The following CFAP251 variants were observed in gnomAD, a reference collection of about 807,000 sequenced individuals.
CFAP251 encodes cilia- and flagella-associated protein 251.
Under a neutral mutation model 126.7 loss-of-function variants are expected in CFAP251, and 93 were observed. The ratio of observed to expected loss-of-function variants is 0.73; its 90% confidence interval spans 0.62 to 0.87. CFAP251 has a LOEUF of 0.87. Among genes scored for constraint, CFAP251 ranks in the 40% least tolerant of loss-of-function variants. The probability of loss-of-function intolerance (pLI) is 0.00; values close to 1 mark genes in which losing one functional copy is unlikely to be tolerated. For synonymous variants in CFAP251, 503 were observed against 506.9 expected (o/e 0.99, Z 0.10); for missense variants, 1,287 against 1,389.2 (o/e 0.93, Z 1.17).
chr12:121,951,067 A>AAT (rs1881504955), intron 8 of CFAP251: 1 of 152,824 alleles, frequency 6.5e-6, no homozygotes, highest in South Asian at 2.1e-4. Flanking sequence ...AAAAAAAAAA[A>AAT]AAAATTAGCT....
At chr12:121,952,359 A>G (rs937006228) in intron 9 of CFAP251, among the ~76,000 whole-genome samples, 3 of 151,048 alleles carry the variant, frequency 2.0e-5, no homozygotes, top group African/African-American at 7.3e-5. Flanking sequence ...GGTCAAGGCT[A>G]CAGTGAGCTG....
At chr12:121,947,386 C>T (rs1469662710) in intron 7 of CFAP251, among the ~76,000 whole-genome samples, 2 of 152,156 alleles carry the variant, frequency 1.3e-5, no homozygotes, top group East Asian at 3.8e-4. Context: ...CCCCAATGCT[C>T]GGATCTCCTG....
At chr12:121,924,967 T>TCCCTCTTCTTCCCCTC (rs1880353914) in intron 3 of CFAP251, among the ~76,000 whole-genome samples, 1 of 150,812 alleles carries the variant, frequency 6.6e-6, no homozygotes, top group Non-Finnish European at 1.5e-5. Flanking sequence ...CTTCTTCCCT[T>TCCCTCTTCTTCCCCTC]CCCTCTTCTT....
At chr12:121,987,572 A>G (rs964753326) in intron 19 of CFAP251, among the ~76,000 whole-genome samples, 27 of 152,046 alleles carry the variant, frequency 1.8e-4, no homozygotes, top group African/African-American at 5.5e-4. Context: ...AAAATTAGCC[A>G]GGCATGGTGG....
chr12:121,976,673 A>G (rs949094194), intron 19 of CFAP251, among the ~76,000 whole-genome samples: 12 of 152,180 alleles, frequency 7.9e-5, no homozygotes, highest in African/African-American at 2.9e-4. Flanking sequence ...TGGGATGCCA[A>G]GTTGGGGAGG....
rs368780523 is a variant in CFAP251, at chr12:121,938,797, A to G, written c.999-3737A>G. Among the ~76,000 whole-genome samples, 10 of 150,868 alleles carry G rather than the reference A, an allele frequency of 6.6e-5. No homozygotes were observed. In the East Asian group the frequency reaches 1.2e-3, roughly 18 times the overall value. On this transcript the variant is annotated intron_variant, in intron 5 of 21. Coordinates refer to ENST00000288912, the MANE Select transcript of CFAP251 (RefSeq NM_144668.6). ...CAGGCATTCGAGACCAGCCTGGCCA[A>G]CATGGTGAAACCCCGTCTCTACAAA...
chr12:121,999,235 C>G lies in CFAP251; in HGVS notation c.3007-481C>G, dbSNP rs191731593. The G allele has an allele frequency of 3.3e-3, 499 of 152,918 alleles. 12 individuals are homozygous for G. Among genetic ancestry groups the G allele is most frequent in the Admixed American group, 0.029 (452 of 15,418 alleles). 9.5% of individuals were successfully genotyped at this position (152,918 alleles called of 1,614,324 possible). On this transcript the variant is annotated intron_variant, in intron 19 of 21. Transcript: ENST00000288912. ...CAACCTTGCATTCTTGGGATAAATC[C>G]CACTTGATCATGGTGCACAATCATT... is the stretch of plus-strand genomic sequence containing the variant.
At chr12:122,003,356 G>A (rs1195282362) in intron 21 of CFAP251, among the ~76,000 whole-genome samples, 2 of 152,192 alleles carry the variant, frequency 1.3e-5, no homozygotes, top group Non-Finnish European at 2.9e-5. Context: ...AGGATCACTT[G>A]AAGCCAGCAG....
chr12:121,928,670 G>GTATA (rs373937834), intron 3 of CFAP251, among the ~76,000 whole-genome samples: 20 of 50,856 alleles, frequency 3.9e-4, no homozygotes, highest in African/African-American at 5.8e-4. Flanking sequence ...ATATATATAC[G>GTATA]TATATATATA....
intron 4 of CFAP251, 50 bp from the exon 5 acceptor site, chr12:121,934,197 G>C: frequency 1.4e-6 from 2 of 1,481,340 alleles, no homozygotes; most frequent in Non-Finnish European, 1.9e-6. Context: ...AGTGGCCAAG[G>C]CTGGGCCGCA....
rs1414832664 is a variant in CFAP251 at position 121,928,704 on chromosome 12, A to ATATTT, written c.748-3041_748-3040insATTTT. 3.1e-3 allele frequency among the ~76,000 whole-genome samples: 188 copies of ATATTT among 60,344 alleles called. 12 individuals carry two copies. Among genetic ancestry groups the ATATTT allele is most frequent in the African/African-American group, 7.2e-3 (178 of 24,728 alleles). 39.6% of individuals were successfully genotyped at this position (60,344 alleles called of 152,430 possible). A position where few individuals can be genotyped will look rare whatever the true frequency, so the allele number is the denominator to read the frequency against. On this transcript the variant is annotated intron_variant, in intron 3 of 21. Coordinates refer to ENST00000288912, the MANE Select transcript of CFAP251 (RefSeq NM_144668.6). ...TATATATATACGTATATATATATATATTTTTTTTTTGAGACAGGGTCTTGC... is the reference window on the plus strand; with the variant it reads ...TATATATATACGTATATATATATATATATTTTTTTTTTTTTGAGACAGGGTCTTGC...
chr12:121,921,985 C>T (rs541694371), intron 2 of CFAP251, among the ~76,000 whole-genome samples: 4 of 151,990 alleles, frequency 2.6e-5, no homozygotes, highest in African/African-American at 7.2e-5. Context: ...GATGGGGTTT[C>T]GGTCTTACCA....
intron 7 of CFAP251, among the ~76,000 whole-genome samples, chr12:121,943,290 G>T (rs1393924880): frequency 6.6e-6 from 1 of 152,134 alleles, no homozygotes; most frequent in African/African-American, 2.4e-5. Flanking sequence ...TCCAGCCTCG[G>T]TGACAAAGTG....
At chr12:121,988,322 C>T (rs1882799453) in intron 19 of CFAP251, among the ~76,000 whole-genome samples, 2 of 152,158 alleles carry the variant, frequency 1.3e-5, no homozygotes, top group Non-Finnish European at 2.9e-5. Context: ...GTGCAGACAT[C>T]ACCACCACGT....
Position 121,962,027 on chromosome 12 carries a change from A to C in CFAP251, c.2357A>C (p.Asp786Ala). Residue 786 changes from aspartate to alanine, a missense_variant, in exon 15 of 22, where the codon GAC becomes GCC. Asp to Ala is a moderately radical substitution (Grantham distance 126). Coordinates refer to ENST00000288912, the MANE Select transcript of CFAP251 (RefSeq NM_144668.6). ...TACAAAGACCACCTGGAAGTCCTGGACATTCACCACACCGACCAGGGCTGC... is the reference window on the plus strand; with the variant it reads ...TACAAAGACCACCTGGAAGTCCTGGCCATTCACCACACCGACCAGGGCTGC... ...RSYKDHLEVL[D>A]IHHTDQGCYP... 1 of 1,613,918 alleles carries C rather than the reference A, an allele frequency of 6.2e-7. No individual in the cohort carries two copies. The highest frequency in any genetic ancestry group is 8.5e-7 in the Non-Finnish European group (1 of 1,180,022).
At position 121,921,355 on chromosome 12, in the gene CFAP251, A is replaced by T. The variant is rs780009005; in HGVS notation, c.50A>T (p.Glu17Val). 2 of 1,607,866 alleles carry T rather than the reference A, an allele frequency of 1.2e-6. No individual in the cohort carries two copies. The highest frequency in any genetic ancestry group is 1.7e-6 in the Non-Finnish European group (2 of 1,178,516). The part of the protein sequence containing the change: ...APREATGENG[E>V]TEMKEEEEPN... ...CGAGAAGCAACAGGAGAAAATGGAG[A>T]AACAGAAATGAAAGAAGAGGAGGAA... The change falls in exon 2 of 22, where the codon GAA (glutamate) becomes GTA (valine). Residue 17 changes from glutamate (E) to valine (V), a missense_variant. By Grantham distance (121) the Glu-to-Val change is moderately radical (BLOSUM62 -2). Transcript: ENST00000288912.
rs528730837 is a variant in CFAP251, at chr12:121,998,940, CATCCTTGTCTTTT to C, written c.3007-775_3007-763del. On this transcript the variant is annotated intron_variant, in intron 19 of 21. Coordinates refer to ENST00000288912, the MANE Select transcript of CFAP251 (RefSeq NM_144668.6). ...AAAAGGGGGAAGTGGTGAGAGTGGA[CATCCTTGTCTTTT>C]TTTCTGATCTTAGGAGGAGAAAGCA... is the stretch of plus-strand genomic sequence containing the variant. 601 of 128,426 alleles carry C rather than the reference CATCCTTGTCTTTT, an allele frequency of 4.7e-3. 7 individuals carry two copies. Among genetic ancestry groups the C allele is most frequent in the African/African-American group, 0.018 (576 of 32,582 alleles). The allele number at this position is 128,426 out of a possible 1,614,324, so 8.0% of individuals were successfully genotyped here. A position where few individuals can be genotyped will look rare whatever the true frequency, so the allele number is the denominator to read the frequency against.
intron 7 of CFAP251, among the ~76,000 whole-genome samples, chr12:121,945,327 GTTTTCTTTTCTTTTC>G (rs71917340): frequency 2.0e-5 from 3 of 150,560 alleles, no homozygotes; most frequent in Admixed American, 6.6e-5. Context: ...TTGTTGTTTT[GTTTTCTTTTCTTTTC>G]TTTTCTTTTC....
intron 5 of CFAP251, among the ~76,000 whole-genome samples, chr12:121,936,402 G>A (rs868237019): frequency 4.6e-5 from 7 of 152,234 alleles, no homozygotes; most frequent in Non-Finnish European, 7.3e-5. Context: ...AGCCATGATC[G>A]TGCCATTGCA....
Sources: gnomAD v4.1 joint callset for allele counts (sites outside exome capture counted in the v4.1 genomes callset) on GRCh38, gnomAD v4.1.1 for gene constraint, MANE v1.5 for transcripts, NCBI Gene and HGNC (gene_info 2026-07-23, HGNC 2026-07-21) for gene names.